HHAT: variants seen among roughly 807,000 people sequenced by gnomAD.
The protein encoded by HHAT is protein-cysteine N-palmitoyltransferase HHAT.
A neutral mutation model predicts 70.8 loss-of-function variants in HHAT; 47 were observed. The ratio of observed to expected loss-of-function variants is 0.66; its 90% CI spans 0.53 to 0.85. The LOEUF is 0.85. HHAT is among the 40% of genes least tolerant of loss of function. HHAT has a pLI of 0.00. For synonymous variants in HHAT, 228 were observed against 247.6 expected, an observed-to-expected ratio of 0.92 and a Z score of 0.74; for missense variants, 609 against 604.8, an observed-to-expected ratio of 1.01 and a Z score of -0.07.
chr1:210,596,218 A>G (rs1662963991), intron 10 of HHAT, among the ~76,000 whole-genome samples: 1 of 152,160 alleles, frequency 6.6e-6, no homozygotes, highest in South Asian at 2.1e-4. Context: ...ACCATTTGTT[A>G]AATAGGGAAT....
intron 9 of HHAT, among the ~76,000 whole-genome samples, chr1:210,550,464 A>G (rs1421244105): frequency 6.7e-6 from 1 of 148,968 alleles, no homozygotes; most frequent in Non-Finnish European, 1.5e-5. Context: ...GATAATACCT[A>G]CTTCAGGACT....
At position 210,675,749 on chromosome 1, in the gene HHAT, A is replaced by G. The variant is rs975738586; in HGVS notation, c.*1370A>G. ...CTTCTCTGCTTGGCAAAGAGATGGG[A>G]GGGGGCCAGATACTGACTACCTGGG... On this transcript the variant is annotated 3_prime_UTR_variant, in exon 12 of 12. Coordinates refer to ENST00000261458, the MANE Select transcript of HHAT (RefSeq NM_018194.6). The G allele has an allele frequency of 2.0e-5, 3 of 152,154 alleles. No homozygotes were observed. The highest frequency in any genetic ancestry group is 4.4e-5 in the Non-Finnish European group (3 of 68,080). The allele number at this position is 152,154 out of a possible 1,614,324, so 9.4% of individuals were successfully genotyped here.
In HHAT at chr1:210,659,809, G is replaced by A. The variant is rs370787510; in HGVS notation, c.1391-14479G>A. ...AATCCAGCATATAAACAGAACCAAT[G>A]ACAAAAACCACATGATTATCTCAAT... On this transcript the variant is annotated intron_variant, in intron 11 of 11. Coordinates refer to ENST00000261458, the MANE Select transcript of HHAT (RefSeq NM_018194.6). Among the ~76,000 whole-genome samples the A allele has an allele frequency of 3.9e-5, 6 of 152,218 alleles. No individual in the cohort carries two copies. The South Asian group carries it at 1.0e-3, about 26-fold the overall frequency.
At chr1:210,348,324 C>T (rs2086694248) in intron 1 of HHAT, among the ~76,000 whole-genome samples, 3 of 152,182 alleles carry the variant, frequency 2.0e-5, no homozygotes. Flanking sequence ...TGGTCTCGAA[C>T]TCCTGGCCTC....
At chr1:210,480,686 T>TA (rs1288443602) in intron 8 of HHAT, among the ~76,000 whole-genome samples, 1 of 152,216 alleles carries the variant, frequency 6.6e-6, no homozygotes, top group African/African-American at 2.4e-5. Context: ...GGCAGCTGTC[T>TA]ACCTGGGTTC....
At position 210,418,218 on chromosome 1, in the gene HHAT, G is replaced by GCCTT. The variant is rs776882696; in HGVS notation, c.751_754dup (p.Leu252ProfsTer89). The GCCTT allele has an allele frequency of 1.9e-6, 3 of 1,614,006 alleles. No homozygotes were observed. In the South Asian group the frequency reaches 3.3e-5, roughly 18 times the overall value. On this transcript the variant is annotated frameshift_variant, in exon 7 of 12. Transcript: ENST00000261458. LOFTEE classifies it high-confidence loss of function. ...TGTGTCCTGGCCCTGGGGCTGGGCCGCCTTCTTTGCTGGTGGTGGCTGGCC... is the reference window on the plus strand; with the variant it reads ...TGTGTCCTGGCCCTGGGGCTGGGCCGCCTTCCTTCTTTGCTGGTGGTGGCTGGCC...
At chr1:210,600,882 C>A (rs1664110573) in intron 10 of HHAT, among the ~76,000 whole-genome samples, 1 of 151,990 alleles carries the variant, frequency 6.6e-6, no homozygotes, top group Non-Finnish European at 1.5e-5. Flanking sequence ...CTACTCCCAC[C>A]CCTGATTTCC....
At chr1:210,373,823 T>C (rs1460048661) in intron 3 of HHAT, among the ~76,000 whole-genome samples, 1 of 152,150 alleles carries the variant, frequency 6.6e-6, no homozygotes, top group African/African-American at 2.4e-5. Flanking sequence ...GATTTGGGGC[T>C]TTTTTGCAGA....
At chr1:210,346,231 T>C (rs1289580090) in intron 1 of HHAT, among the ~76,000 whole-genome samples, 1 of 152,164 alleles carries the variant, frequency 6.6e-6, no homozygotes, top group South Asian at 2.1e-4. Context: ...GTCTACAAGA[T>C]CATTTGTGTT....
intron 6 of HHAT, among the ~76,000 whole-genome samples, chr1:210,409,715 A>G (rs1038282426): frequency 2.6e-5 from 4 of 152,214 alleles, no homozygotes; most frequent in South Asian, 2.1e-4. Context: ...AGAACCTTTC[A>G]TCTTTGAGAA....
chr1:210,671,349 C>G (rs1680041591), intron 11 of HHAT, among the ~76,000 whole-genome samples: 1 of 152,206 alleles, frequency 6.6e-6, no homozygotes, highest in Admixed American at 6.5e-5. Context: ...CCCCTGGCAT[C>G]TGTGCCTGAG....
intron 10 of HHAT, among the ~76,000 whole-genome samples, chr1:210,599,709 A>G (rs976617331): frequency 3.9e-5 from 6 of 152,134 alleles, no homozygotes; most frequent in African/African-American, 1.4e-4. Flanking sequence ...GCTTCTAGGT[A>G]ATCCCTTGCT....
chr1:210,401,662 T>A (rs990825959), intron 5 of HHAT, among the ~76,000 whole-genome samples: 1 of 152,196 alleles, frequency 6.6e-6, no homozygotes, highest in Non-Finnish European at 1.5e-5. Context: ...ACTTACCTTT[T>A]AGCTTTATTT....
chr1:210,655,833 G>A, intron 11 of HHAT, among the ~76,000 whole-genome samples: 1 of 152,176 alleles, frequency 6.6e-6, no homozygotes, highest in Admixed American at 6.6e-5. Flanking sequence ...TTCTGCAGTG[G>A]TCTTTTAGCT....
intron 3 of HHAT, chr1:210,374,192 T>A (rs768019980): frequency 3.3e-5 from 5 of 152,220 alleles, no homozygotes; most frequent in African/African-American, 4.8e-5. Context: ...AATTAGCTTA[T>A]AACTGATTTG....
rs749666736 is a variant in HHAT at position 210,674,368 on chromosome 1, G to A, written c.1471G>A (p.Ala491Thr). ...HVGIAWAQTY[A>T]TD ...GGGCATTGCCTGGGCCCAGACCTAC[G>A]CCACGGACTAATGCTGTTGGGCCCA... Residue 491 changes from alanine (A) to threonine (T), a missense_variant, in exon 12 of 12, where the codon GCC becomes ACC. By Grantham distance (58) the Ala-to-Thr change is moderately conservative. Transcript: ENST00000261458. 36 of 1,613,738 alleles carry A rather than the reference G, an allele frequency of 2.2e-5. No homozygotes were observed. In the East Asian group the frequency reaches 4.9e-4, roughly 22 times the overall value.
chr1:210,494,569 T>TTTTTTTG (rs2094603485), intron 8 of HHAT, among the ~76,000 whole-genome samples: 1 of 122,622 alleles, frequency 8.2e-6, no homozygotes, highest in African/African-American at 3.0e-5. Flanking sequence ...TTTTTTTTTT[T>TTTTTTTG]GAGACAGAGT....
chr1:210,566,041 T>C (rs573032014), intron 9 of HHAT, among the ~76,000 whole-genome samples: 65 of 152,274 alleles, frequency 4.3e-4, no homozygotes, highest in African/African-American at 1.3e-3. Flanking sequence ...TGAGTAGAAA[T>C]GCACTGAACT....
intron 9 of HHAT, among the ~76,000 whole-genome samples, chr1:210,533,917 T>C (rs1415555173): frequency 1.3e-5 from 2 of 152,180 alleles, no homozygotes; most frequent in African/African-American, 4.8e-5. Context: ...GAGTTTGTGC[T>C]GGCACCTGGC....
Sources: allele counts gnomAD v4.1 joint callset (sites outside exome capture counted in the v4.1 genomes callset), GRCh38; gene constraint gnomAD v4.1.1; transcripts MANE v1.5; gene names NCBI Gene and HGNC (gene_info 2026-07-23, HGNC 2026-07-21).